The following PRR16 variants were observed in gnomAD, a reference collection of about 807,000 sequenced individuals.
PRR16 encodes the protein proline rich 16.
In PRR16, 6 loss-of-function variants were observed where a neutral mutation model predicts 18.2. That is an observed-to-expected ratio of 0.33 (90% CI 0.18 to 0.65). PRR16 has a LOEUF of 0.65. Ranked by LOEUF, PRR16 falls within the 30% of genes least tolerant of loss-of-function variation. The pLI, the probability that PRR16 is intolerant of heterozygous loss-of-function variation, is 0.74. For synonymous variants in PRR16, 151 were observed against 147.8 expected (o/e 1.02, Z -0.16); for missense variants, 412 against 376.6 (o/e 1.09, Z -0.78).
At chr5:120,752,020 T>G in the PRR16 span, among the ~76,000 whole-genome samples, 1 of 152,102 alleles carries the variant, frequency 6.6e-6, no homozygotes, top group Non-Finnish European at 1.5e-5. Flanking sequence ...CTGAAGAAGC[T>G]TGTGGTATCT....
chr5:120,788,047 A>C, the PRR16 span, among the ~76,000 whole-genome samples: 1 of 151,852 alleles, frequency 6.6e-6, no homozygotes, highest in East Asian at 1.9e-4. Flanking sequence ...ACATTTTACT[A>C]TTTTTGAAAA....
chr5:120,550,551 C>G (rs528735803), intron 1 of PRR16, among the ~76,000 whole-genome samples: 1 of 151,982 alleles, frequency 6.6e-6, no homozygotes, highest in Admixed American at 6.6e-5. Flanking sequence ...TGGACTTCAA[C>G]GCATGCAGTA....
intron 1 of PRR16, among the ~76,000 whole-genome samples, chr5:120,609,709 T>A (rs982194817): frequency 6.6e-6 from 1 of 152,210 alleles, no homozygotes; most frequent in African/African-American, 2.4e-5. Context: ...CCTACATTAC[T>A]CATGCAATGA....
downstream of PRR16, among the ~76,000 whole-genome samples, chr5:120,689,397 A>G (rs947353018): frequency 3.3e-5 from 5 of 152,182 alleles, no homozygotes; most frequent in African/African-American, 1.2e-4. Flanking sequence ...AGTTTTTGCA[A>G]TCAGCCAACA....
the PRR16 span, among the ~76,000 whole-genome samples, chr5:120,736,215 T>C: frequency 6.6e-6 from 1 of 152,236 alleles, no homozygotes; most frequent in Non-Finnish European, 1.5e-5. Context: ...TTTTCTCGAC[T>C]AAAATTTTGT....
At chr5:120,561,570 A>G (rs565756373) in intron 1 of PRR16, among the ~76,000 whole-genome samples, 67 of 152,272 alleles carry the variant, frequency 4.4e-4, no homozygotes, top group Middle Eastern at 3.4e-3. Flanking sequence ...CATATGCTGA[A>G]GAAAAGAATG....
At chr5:120,640,911 A>T (rs981066649) in intron 1 of PRR16, among the ~76,000 whole-genome samples, 1 of 152,156 alleles carries the variant, frequency 6.6e-6, no homozygotes, top group Non-Finnish European at 1.5e-5. Flanking sequence ...CAGTCTGTGA[A>T]TTGGCTCTCA....
downstream of PRR16, among the ~76,000 whole-genome samples, chr5:120,691,748 T>C (rs537398333): frequency 6.6e-6 from 1 of 152,302 alleles, no homozygotes; most frequent in South Asian, 2.1e-4. Flanking sequence ...TTGTCAATTA[T>C]CCTAACCAAT....
chr5:120,628,468 A>G (rs1324341804), intron 1 of PRR16, among the ~76,000 whole-genome samples: 2 of 152,066 alleles, frequency 1.3e-5, no homozygotes, highest in Non-Finnish European at 2.9e-5. Flanking sequence ...GAAGCCTAGC[A>G]CTGTGTTTTT....
At chr5:120,755,595 G>C in the PRR16 span, among the ~76,000 whole-genome samples, 1 of 152,084 alleles carries the variant, frequency 6.6e-6, no homozygotes, top group East Asian at 1.9e-4. Context: ...GTATTCTGTG[G>C]TGTATATGTA....
chr5:120,533,143 T>C (rs373389328), intron 1 of PRR16, among the ~76,000 whole-genome samples: 57 of 152,318 alleles, frequency 3.7e-4, no homozygotes, highest in African/African-American at 1.3e-3. Context: ...CCTGCCCTTT[T>C]GGAGTGATCT....
the PRR16 span, among the ~76,000 whole-genome samples, chr5:120,789,682 AG>A: frequency 6.6e-6 from 1 of 152,148 alleles, no homozygotes; most frequent in African/African-American, 2.4e-5. Context: ...AAACACTGTT[AG>A]GAATAAGGGA....
At chr5:120,537,621 T>C (rs1291266714) in intron 1 of PRR16, among the ~76,000 whole-genome samples, 1 of 139,176 alleles carries the variant, frequency 7.2e-6, no homozygotes, top group Non-Finnish European at 1.5e-5. Flanking sequence ...CCAAGCAAGA[T>C]TACAGAATTA....
chr5:120,785,616 A>G, the PRR16 span, among the ~76,000 whole-genome samples: 2 of 115,170 alleles, frequency 1.7e-5, no homozygotes, highest in Non-Finnish European at 3.5e-5. Context: ...TCTGTCACCC[A>G]GGCTGGAGTG....
At chr5:120,543,393 AT>A (rs1751977323) in intron 1 of PRR16, among the ~76,000 whole-genome samples, 1 of 152,132 alleles carries the variant, frequency 6.6e-6, no homozygotes, top group Admixed American at 6.6e-5. Flanking sequence ...TCTGGGGACC[AT>A]TATGTCAAAT....
chr5:120,684,493 GAATA>G lies in PRR16; in HGVS notation c.160-1457_160-1454del, dbSNP rs113351148. On this transcript the variant is annotated intron_variant, in intron 1 of 1. Transcript: ENST00000407149. ...GAGAGGAGGGAAAAATCTCCATATG[GAATA>G]AATGTGATGGAAATGTGTGAAATGA... is the stretch of plus-strand genomic sequence containing the variant. Among the ~76,000 whole-genome samples the G allele has an allele frequency of 4.5e-3, 686 of 152,278 alleles. 1 individual carries two copies. Among genetic ancestry groups the G allele is most frequent in the African/African-American group, 0.016 (662 of 41,556 alleles).
intron 1 of PRR16, among the ~76,000 whole-genome samples, chr5:120,553,979 T>G (rs529980299): frequency 1.7e-4 from 26 of 152,096 alleles, no homozygotes; most frequent in African/African-American, 5.8e-4. Context: ...CTGTTTTGTT[T>G]TGTCCCTTTT....
intron 1 of PRR16, among the ~76,000 whole-genome samples, chr5:120,606,337 A>G (rs751457145): frequency 1.7e-4 from 26 of 152,138 alleles, no homozygotes; most frequent in Non-Finnish European, 3.1e-4. Flanking sequence ...CTTTTTGACT[A>G]TTTGACTTAT....
intron 1 of PRR16, among the ~76,000 whole-genome samples, chr5:120,517,708 G>C (rs371290444): frequency 6.6e-6 from 1 of 152,098 alleles, no homozygotes; most frequent in Non-Finnish European, 1.5e-5. Context: ...GTAGATAGTA[G>C]AAGAGTGTTC....
Sources: allele counts gnomAD v4.1 joint callset (sites outside exome capture counted in the v4.1 genomes callset), GRCh38; gene constraint gnomAD v4.1.1; transcripts MANE v1.5; gene names NCBI Gene and HGNC (gene_info 2026-07-23, HGNC 2026-07-21).